The following LRRC4C variants were observed in gnomAD, a reference collection of about 807,000 sequenced individuals.
LRRC4C encodes leucine rich repeat containing 4C.
Under a neutral mutation model 33.6 loss-of-function variants are expected in LRRC4C, and 5 were observed. That is an observed-to-expected ratio of 0.15 (90% CI 0.08 to 0.31). The LOEUF is 0.31. Among genes scored for constraint, LRRC4C ranks in the 10% least tolerant of loss-of-function variants. LRRC4C has a pLI of 1.00. For missense variants in LRRC4C, 560 were observed against 796.7 expected, an observed-to-expected ratio of 0.70 and a Z score of 3.58; for synonymous variants, 329 against 302.0, an observed-to-expected ratio of 1.09 and a Z score of -0.93.
intron 1 of LRRC4C, among the ~76,000 whole-genome samples, chr11:41,298,880 T>A (rs1334203938): frequency 6.6e-6 from 1 of 152,166 alleles, no homozygotes; most frequent in Non-Finnish European, 1.5e-5. Context: ...CATTTATAAG[T>A]GAGAATGTGG....
At chr11:40,713,429 T>C (rs369339857) in intron 2 of LRRC4C, among the ~76,000 whole-genome samples, 116 of 152,292 alleles carry the variant, frequency 7.6e-4, no homozygotes, top group African/African-American at 2.8e-3. Context: ...CAGTCTGTTA[T>C]GTGGAAAACT....
intron 3 of LRRC4C, among the ~76,000 whole-genome samples, chr11:40,457,789 T>G (rs1322421931): frequency 1.3e-5 from 2 of 152,158 alleles, no homozygotes; most frequent in African/African-American, 2.4e-5. Flanking sequence ...ATGGCTCCCC[T>G]CCTTCAATTA....
At chr11:40,276,375 C>T (rs1014011713) in intron 4 of LRRC4C, among the ~76,000 whole-genome samples, 2 of 152,032 alleles carry the variant, frequency 1.3e-5, no homozygotes, top group Non-Finnish European at 2.9e-5. Context: ...TAGCTCCAGT[C>T]GTCTTCCATT....
intron 1 of LRRC4C, among the ~76,000 whole-genome samples, chr11:40,940,371 G>A (rs576758019): frequency 6.6e-6 from 1 of 152,180 alleles, no homozygotes; most frequent in South Asian, 2.1e-4. Context: ...TACCAAGCGG[G>A]AAACAATGTA....
At chr11:40,759,885 C>A (rs1419387893) in intron 2 of LRRC4C, among the ~76,000 whole-genome samples, 1 of 148,348 alleles carries the variant, frequency 6.7e-6, no homozygotes, top group Non-Finnish European at 1.5e-5. Flanking sequence ...CCTATATGCA[C>A]TGAGAGTTAA....
intron 1 of LRRC4C, among the ~76,000 whole-genome samples, chr11:41,139,961 A>G (rs1174781998): frequency 6.6e-6 from 1 of 152,178 alleles, no homozygotes; most frequent in African/African-American, 2.4e-5. Flanking sequence ...ATCCTGGTGT[A>G]TAAGATAGCC....
chr11:40,603,298 G>C (rs1035872521), intron 3 of LRRC4C, among the ~76,000 whole-genome samples: 1 of 152,162 alleles, frequency 6.6e-6, no homozygotes, highest in African/African-American at 2.4e-5. Context: ...GAGTTGAAGT[G>C]GGTTTCTGAG....
chr11:40,710,975 C>T (rs530631616), intron 2 of LRRC4C, among the ~76,000 whole-genome samples: 136 of 152,276 alleles, frequency 8.9e-4, no homozygotes, highest in African/African-American at 3.1e-3. Flanking sequence ...GGGCAAGGCT[C>T]TGTGGGTGTG....
intron 1 of LRRC4C, among the ~76,000 whole-genome samples, chr11:41,338,477 T>A (rs894491059): frequency 4.6e-5 from 7 of 151,926 alleles, no homozygotes; most frequent in Non-Finnish European, 8.8e-5. Context: ...CTCCCTCAGA[T>A]GTGGGAGCTG....
intron 6 of LRRC4C, among the ~76,000 whole-genome samples, chr11:40,119,603 C>T (rs1903652): frequency 0.027 from 4,083 of 152,194 alleles, 204 homozygotes; most frequent in African/African-American, 0.092. Flanking sequence ...AAATGTATGA[C>T]AAAGCAAATA....
chr11:41,292,354 C>T (rs139139808), intron 1 of LRRC4C, among the ~76,000 whole-genome samples: 1 of 151,768 alleles, frequency 6.6e-6, no homozygotes, highest in African/African-American at 2.4e-5. Flanking sequence ...TGAATGAATC[C>T]GGAGTAGAGC....
intron 4 of LRRC4C, among the ~76,000 whole-genome samples, chr11:40,299,697 G>A (rs772637563): frequency 9.2e-5 from 14 of 152,180 alleles, no homozygotes; most frequent in Non-Finnish European, 1.5e-4. Context: ...CACAGTGCCT[G>A]GTCCTTTGAC....
At chr11:41,182,032 C>T (rs953479871) in intron 1 of LRRC4C, among the ~76,000 whole-genome samples, 4 of 152,122 alleles carry the variant, frequency 2.6e-5, no homozygotes, top group African/African-American at 7.2e-5. Context: ...AATTCACAGA[C>T]CCAATTGCTA....
At chr11:40,609,178 A>T (rs1038935353) in intron 3 of LRRC4C, among the ~76,000 whole-genome samples, 1 of 152,114 alleles carries the variant, frequency 6.6e-6, no homozygotes, top group Non-Finnish European at 1.5e-5. Flanking sequence ...CTCACAAAAA[A>T]GTCTTAATAA....
intron 2 of LRRC4C, among the ~76,000 whole-genome samples, chr11:40,850,291 C>T (rs1012680403): frequency 6.6e-6 from 1 of 151,902 alleles, no homozygotes; most frequent in African/African-American, 2.4e-5. Flanking sequence ...TTGATCTTTG[C>T]TGTTGGTGAT....
intron 2 of LRRC4C, among the ~76,000 whole-genome samples, 175 bp downstream of exon 2, chr11:40,933,460 A>G (rs918609026): frequency 2.0e-5 from 3 of 152,246 alleles, no homozygotes; most frequent in Admixed American, 6.5e-5. Flanking sequence ...ACTTTTGTTT[A>G]AAGCTATTAT....
intron 1 of LRRC4C, among the ~76,000 whole-genome samples, chr11:41,126,815 G>A (rs1410022654): frequency 2.0e-5 from 3 of 152,154 alleles, no homozygotes; most frequent in South Asian, 2.1e-4. Context: ...TACCTATTAC[G>A]TGAGCAACGC....
At chr11:40,315,895 T>C (rs960480915) in intron 4 of LRRC4C, among the ~76,000 whole-genome samples, 2 of 151,992 alleles carry the variant, frequency 1.3e-5, no homozygotes, top group African/African-American at 2.4e-5. Flanking sequence ...TAAAGAGCAA[T>C]GAGGAGGCAT....
chr11:40,382,123 A>ATGTTTTTTTT (rs1948898445), intron 3 of LRRC4C, among the ~76,000 whole-genome samples: 1 of 99,986 alleles, frequency 1.0e-5, no homozygotes. Flanking sequence ...TGCCCGGCTA[A>ATGTTTTTTTT]TTTTTTTTTT....
Sources: gnomAD v4.1 joint callset for allele counts (sites outside exome capture counted in the v4.1 genomes callset) on GRCh38, gnomAD v4.1.1 for gene constraint, MANE v1.5 for transcripts, NCBI Gene and HGNC (gene_info 2026-07-23, HGNC 2026-07-21) for gene names.